ZNF385D: variants seen among roughly 807,000 people sequenced by gnomAD.
The protein encoded by ZNF385D is zinc finger protein 659.
Under a neutral mutation model 35.8 loss-of-function variants are expected in ZNF385D, and 15 were observed. That is an observed-to-expected ratio of 0.42 (90% CI 0.28 to 0.64). The LOEUF (loss-of-function observed/expected upper bound fraction) is 0.64. Among genes scored for constraint, ZNF385D ranks in the 30% least tolerant of loss-of-function variants. The pLI is 0.23. For missense variants in ZNF385D, 474 were observed against 494.6 expected, an observed-to-expected ratio of 0.96 and a Z score of 0.39; for synonymous variants, 212 against 186.8, an observed-to-expected ratio of 1.13 and a Z score of -1.10.
chr3:22,006,085 C>A (rs1696179678), intron 3 of ZNF385D, among the ~76,000 whole-genome samples: 1 of 152,032 alleles, frequency 6.6e-6, no homozygotes, highest in Non-Finnish European at 1.5e-5. Flanking sequence ...AGTCAGTCAC[C>A]TCCTGGTTCT....
At chr3:21,682,301 G>A (rs2066941168) in intron 1 of ZNF385D, among the ~76,000 whole-genome samples, 1 of 135,140 alleles carries the variant, frequency 7.4e-6, no homozygotes, top group Admixed American at 7.3e-5. Context: ...ACACAACCTG[G>A]AAAATAGCCA....
intron 2 of ZNF385D, among the ~76,000 whole-genome samples, chr3:22,174,087 T>C (rs1406120420): frequency 6.6e-6 from 1 of 151,864 alleles, no homozygotes; most frequent in Admixed American, 6.6e-5. Context: ...TAATTAACAA[T>C]TTATAAACTT....
intron 2 of ZNF385D, among the ~76,000 whole-genome samples, chr3:22,281,896 ACT>A (rs2125381912): frequency 6.6e-6 from 1 of 151,932 alleles, no homozygotes; most frequent in Non-Finnish European, 1.5e-5. Context: ...GGTGGTGGTA[ACT>A]TTTTAATTAC....
At chr3:22,148,914 G>T (rs1705043295) in intron 3 of ZNF385D, among the ~76,000 whole-genome samples, 1 of 152,076 alleles carries the variant, frequency 6.6e-6, no homozygotes, top group South Asian at 2.1e-4. Context: ...GAACCACAGG[G>T]TCTCAACTTG....
chr3:22,109,495 T>G (rs1559375842), intron 3 of ZNF385D, among the ~76,000 whole-genome samples: 1 of 152,166 alleles, frequency 6.6e-6, no homozygotes, highest in South Asian at 2.1e-4. Context: ...ATCTTAGAGC[T>G]ACTGATGTTT....
intron 2 of ZNF385D, among the ~76,000 whole-genome samples, chr3:22,246,226 TA>T (rs1370287403): frequency 6.6e-6 from 1 of 152,176 alleles, no homozygotes; most frequent in Admixed American, 6.6e-5. Context: ...GAATATCTCT[TA>T]AGTAGATCTA....
chr3:21,964,079 C>G (rs904253203), intron 3 of ZNF385D, among the ~76,000 whole-genome samples: 2 of 152,002 alleles, frequency 1.3e-5, no homozygotes, highest in Non-Finnish European at 2.9e-5. Flanking sequence ...AGGTGGTTAT[C>G]ATCATTTCCT....
chr3:22,175,647 GA>G (rs1694773691), intron 2 of ZNF385D, among the ~76,000 whole-genome samples: 1 of 151,328 alleles, frequency 6.6e-6, no homozygotes, highest in Non-Finnish European at 1.5e-5. Flanking sequence ...TTTTTTCGAT[GA>G]AAAAAATACG....
intron 3 of ZNF385D, among the ~76,000 whole-genome samples, chr3:22,153,488 C>T (rs1409330395): frequency 1.2e-4 from 15 of 124,714 alleles, no homozygotes; most frequent in Admixed American, 1.2e-3. Flanking sequence ...TTTTTTGAGA[C>T]AGAGTCTCTC....
intron 4 of ZNF385D, among the ~76,000 whole-genome samples, chr3:21,445,637 T>C (rs895032123): frequency 4.6e-5 from 7 of 152,202 alleles, no homozygotes; most frequent in Non-Finnish European, 1.0e-4. Flanking sequence ...AAGAGGATTA[T>C]ATTCTCTACT....
intron 1 of ZNF385D, among the ~76,000 whole-genome samples, chr3:21,699,934 T>C (rs2067616846): frequency 6.7e-6 from 1 of 148,668 alleles, no homozygotes; most frequent in African/African-American, 2.5e-5. Context: ...TAGGTTCGAG[T>C]GATTCTCTTG....
At chr3:22,201,566 T>C (rs1251218929) in intron 2 of ZNF385D, among the ~76,000 whole-genome samples, 1 of 152,058 alleles carries the variant, frequency 6.6e-6, no homozygotes, top group Non-Finnish European at 1.5e-5. Context: ...TATTGAATTG[T>C]AGGTATTTGT....
chr3:22,175,620 G>A (rs1694771075), intron 2 of ZNF385D, among the ~76,000 whole-genome samples: 1 of 151,694 alleles, frequency 6.6e-6, no homozygotes, highest in African/African-American at 2.4e-5. Context: ...CATAAAACTT[G>A]TGAAAGAAAT....
chr3:21,795,573 C>T (rs897157208), intron 3 of ZNF385D, among the ~76,000 whole-genome samples: 1 of 152,134 alleles, frequency 6.6e-6, no homozygotes, highest in African/African-American at 2.4e-5. Context: ...TCCCTTGGCT[C>T]CTGAAACAGG....
chr3:21,906,245 C>T (rs1699678263), intron 3 of ZNF385D, among the ~76,000 whole-genome samples: 1 of 152,150 alleles, frequency 6.6e-6, no homozygotes, highest in African/African-American at 2.4e-5. Context: ...TCAACCCATT[C>T]TTCCCAGGTT....
intron 3 of ZNF385D, among the ~76,000 whole-genome samples, chr3:22,017,503 A>G (rs71312023): frequency 0.094 from 14,217 of 151,958 alleles, 941 homozygotes; most frequent in South Asian, 0.17. Context: ...TATTATAACT[A>G]GAAAATTAGC....
intron 3 of ZNF385D, among the ~76,000 whole-genome samples, chr3:21,546,199 C>T (rs1325352456): frequency 6.6e-6 from 1 of 152,112 alleles, no homozygotes; most frequent in Non-Finnish European, 1.5e-5. Context: ...TTTACACTAA[C>T]CCTGCTTGTT....
intron 5 of ZNF385D, among the ~76,000 whole-genome samples, chr3:21,435,506 T>C (rs1380318617): frequency 2.6e-5 from 4 of 152,014 alleles, no homozygotes; most frequent in Non-Finnish European, 5.9e-5. Flanking sequence ...TCTCAAATGA[T>C]TCTCCTACCC....
intron 3 of ZNF385D, among the ~76,000 whole-genome samples, chr3:21,820,520 T>A (rs186684883): frequency 1.3e-5 from 2 of 151,756 alleles, no homozygotes; most frequent in Non-Finnish European, 3.0e-5. Context: ...AAATAAGCTA[T>A]GATTTAGATA....
Sources: gnomAD v4.1 joint callset for allele counts (sites outside exome capture counted in the v4.1 genomes callset) on GRCh38, gnomAD v4.1.1 for gene constraint, MANE v1.5 for transcripts, NCBI Gene and HGNC (gene_info 2026-07-23, HGNC 2026-07-21) for gene names.